GALNT13: variants seen among roughly 807,000 people sequenced by gnomAD.
GALNT13 encodes polypeptide N-acetylgalactosaminyltransferase 13.
GALNT13 carries 28 observed loss-of-function variants against 64.2 expected under a neutral mutation model. That is an observed-to-expected ratio of 0.44 (90% CI 0.32 to 0.60). The LOEUF (loss-of-function observed/expected upper bound fraction) is 0.60, where lower values mean the gene tolerates loss of function less well. Ranked by LOEUF, GALNT13 falls within the 20% of genes least tolerant of loss-of-function variation. The probability of loss-of-function intolerance (pLI) is 0.05; values close to 1 mark genes in which losing one functional copy is unlikely to be tolerated. For synonymous variants in GALNT13, 214 were observed against 224.6 expected, an observed-to-expected ratio of 0.95 and a Z score of 0.42; for missense variants, 577 against 669.8, an observed-to-expected ratio of 0.86 and a Z score of 1.53.
chr2:154,183,772 T>G (rs1014238149), intron 4 of GALNT13, among the ~76,000 whole-genome samples: 1 of 151,968 alleles, frequency 6.6e-6, no homozygotes, highest in Admixed American at 6.6e-5. Context: ...AAAAAAAAAA[T>G]TCTTAGTTTC....
the GALNT13 span, among the ~76,000 whole-genome samples, chr2:153,669,504 T>A: frequency 6.6e-6 from 1 of 152,082 alleles, no homozygotes; most frequent in Non-Finnish European, 1.5e-5. Flanking sequence ...AAGACTAAAA[T>A]AGAAGTTAAG....
chr2:153,444,586 C>T, the GALNT13 span, among the ~76,000 whole-genome samples: 1 of 152,174 alleles, frequency 6.6e-6, no homozygotes, highest in East Asian at 1.9e-4. Context: ...GAGAAAAATG[C>T]CCTCCATTTC....
chr2:154,144,270 TA>T (rs1174353868), intron 4 of GALNT13, among the ~76,000 whole-genome samples: 1 of 152,150 alleles, frequency 6.6e-6, no homozygotes, highest in African/African-American at 2.4e-5. Context: ...TGGGAACAAC[TA>T]ATGTTGAAAA....
At chr2:154,236,829 T>C (rs1239635923) in intron 4 of GALNT13, among the ~76,000 whole-genome samples, 1 of 152,066 alleles carries the variant, frequency 6.6e-6, no homozygotes, top group Non-Finnish European at 1.5e-5. Context: ...TAAATATACA[T>C]AATTTCAATT....
the GALNT13 span, among the ~76,000 whole-genome samples, chr2:153,743,928 G>A: frequency 5.3e-5 from 8 of 151,938 alleles, no homozygotes; most frequent in Non-Finnish European, 7.4e-5. Context: ...AGGCCTGTTC[G>A]TCTTCCTGTG....
the GALNT13 span, among the ~76,000 whole-genome samples, chr2:153,440,803 T>G: frequency 5.9e-5 from 9 of 151,928 alleles, no homozygotes; most frequent in Non-Finnish European, 4.4e-5. Flanking sequence ...GTATTGTTTG[T>G]TTTTTTTCTT....
At chr2:153,259,977 G>GT in the GALNT13 span, among the ~76,000 whole-genome samples, 134 of 151,378 alleles carry the variant, frequency 8.9e-4, 1 homozygote, top group Non-Finnish European at 1.7e-3. Flanking sequence ...TCTGTTGTGT[G>GT]TTTTTTTTAA....
chr2:153,163,863 C>A, the GALNT13 span, among the ~76,000 whole-genome samples: 1 of 151,746 alleles, frequency 6.6e-6, no homozygotes, highest in Non-Finnish European at 1.5e-5. Context: ...ACTAAAAATA[C>A]AAAAATTGGC....
the GALNT13 span, among the ~76,000 whole-genome samples, chr2:153,252,957 T>C: frequency 5.3e-5 from 8 of 152,012 alleles, no homozygotes; most frequent in African/African-American, 1.9e-4. Context: ...ATGCAGGCTC[T>C]TTTTTGGTTC....
intron 8 of GALNT13, among the ~76,000 whole-genome samples, chr2:154,284,896 C>A (rs1692174087): frequency 6.6e-6 from 1 of 152,058 alleles, no homozygotes; most frequent in Non-Finnish European, 1.5e-5. Flanking sequence ...CACTTATTAT[C>A]ATTCATCTTT....
chr2:154,427,889 T>C (rs777986445), intron 11 of GALNT13, among the ~76,000 whole-genome samples: 10 of 152,192 alleles, frequency 6.6e-5, no homozygotes, highest in Non-Finnish European at 1.2e-4. Flanking sequence ...ATACCATCTA[T>C]GAATTCTCCA....
intron 9 of GALNT13, among the ~76,000 whole-genome samples, chr2:154,309,112 A>G (rs1383987363): frequency 9.2e-5 from 14 of 152,222 alleles, no homozygotes; most frequent in Admixed American, 4.6e-4. Context: ...AGTGTGAACT[A>G]TCTACATGAG....
intron 3 of GALNT13, among the ~76,000 whole-genome samples, chr2:154,044,748 C>A (rs576009318): frequency 6.6e-6 from 1 of 152,270 alleles, no homozygotes; most frequent in Non-Finnish European, 1.5e-5. Context: ...GTCTGTTTAG[C>A]TAATTGAACA....
chr2:154,422,032 T>TA (rs1486785474), intron 11 of GALNT13, among the ~76,000 whole-genome samples: 1 of 151,710 alleles, frequency 6.6e-6, no homozygotes, highest in Non-Finnish European at 1.5e-5. Context: ...AGAGGGTGAG[T>TA]AAGGACAGCA....
At chr2:154,321,388 A>G (rs1403888661) in intron 9 of GALNT13, among the ~76,000 whole-genome samples, 2 of 152,180 alleles carry the variant, frequency 1.3e-5, no homozygotes, top group Non-Finnish European at 2.9e-5. Flanking sequence ...ATTGCATTCT[A>G]CCATCTTTTA....
chr2:153,566,732 T>C, the GALNT13 span, among the ~76,000 whole-genome samples: 271 of 152,322 alleles, frequency 1.8e-3, no homozygotes, highest in African/African-American at 6.3e-3. Flanking sequence ...ATGGACAAAC[T>C]AGGATTTGAA....
At chr2:153,563,757 C>T in the GALNT13 span, among the ~76,000 whole-genome samples, 1 of 151,582 alleles carries the variant, frequency 6.6e-6, no homozygotes, top group East Asian at 1.9e-4. Flanking sequence ...AGAAGTTTTC[C>T]TCCCCCAATT....
At chr2:153,931,908 A>G (rs904959874) in intron 2 of GALNT13, among the ~76,000 whole-genome samples, 6 of 152,092 alleles carry the variant, frequency 3.9e-5, no homozygotes, top group East Asian at 1.9e-4. Flanking sequence ...TTCCTCCTCA[A>G]TTTTTGGGAA....
intron 7 of GALNT13, among the ~76,000 whole-genome samples, chr2:154,256,955 C>G (rs1690411738): frequency 6.6e-6 from 1 of 152,046 alleles, no homozygotes; most frequent in African/African-American, 2.4e-5. Flanking sequence ...TTTTATTAGG[C>G]ATATTACAGG....
Sources: gnomAD v4.1 joint callset for allele counts (sites outside exome capture counted in the v4.1 genomes callset) on GRCh38, gnomAD v4.1.1 for gene constraint, MANE v1.5 for transcripts, NCBI Gene and HGNC (gene_info 2026-07-23, HGNC 2026-07-21) for gene names.